Variants in ZFHX4 observed in about 807,000 individuals in gnomAD.
ZFHX4 encodes zinc finger homeobox 4, also known as zinc finger homeobox protein 4.
A neutral mutation model predicts 267.6 loss-of-function variants in ZFHX4; 56 were observed. The observed-to-expected ratio is 0.21, with a 90% CI of 0.17 to 0.26. The LOEUF (loss-of-function observed/expected upper bound fraction) is 0.26, where lower values mean the gene tolerates loss of function less well. Ranked by LOEUF, ZFHX4 falls within the 10% of genes least tolerant of loss-of-function variation. The probability of loss-of-function intolerance (pLI) is 1.00; values close to 1 mark genes in which losing one functional copy is unlikely to be tolerated. For missense variants in ZFHX4, 4,332 were observed against 4,420.0 expected, an observed-to-expected ratio of 0.98 and a Z score of 0.56; for synonymous variants, 1,778 against 1,665.6, an observed-to-expected ratio of 1.07 and a Z score of -1.64.
chr8:76,821,687 T>A (rs1472358447), intron 4 of ZFHX4, among the ~76,000 whole-genome samples: 2 of 152,148 alleles, frequency 1.3e-5, no homozygotes, highest in Non-Finnish European at 2.9e-5. Context: ...ACATTCCCTG[T>A]AGGGAACTGA....
Position 76,752,487 on chromosome 8 carries a change from C to CAAAAAA in ZFHX4, c.3094-25704_3094-25699dup, listed in dbSNP as rs144149879. ...TGAAACCCTGTCTCTACCAAAAATC[C>CAAAAAA]AAAAAAAAAAAAAAAAAAAAAAGAA... On this transcript the variant is annotated intron_variant, in intron 3 of 10. Coordinates refer to ENST00000651372, the MANE Select transcript of ZFHX4 (RefSeq NM_024721.5). Among the ~76,000 whole-genome samples, 426 of 70,880 alleles carry CAAAAAA rather than the reference C, an allele frequency of 6.0e-3. 9 individuals are homozygous for CAAAAAA. Among genetic ancestry groups the CAAAAAA allele is most frequent in the Middle Eastern group, 0.02 (2 of 98 alleles). 46.5% of individuals were successfully genotyped at this position (70,880 alleles called of 152,430 possible).
At chr8:76,750,784 G>A (rs541109162) in intron 3 of ZFHX4, among the ~76,000 whole-genome samples, 1 of 152,156 alleles carries the variant, frequency 6.6e-6, no homozygotes, top group Admixed American at 6.5e-5. Flanking sequence ...CTCAAACCCA[G>A]GAATGAATCT....
At position 76,854,618 on chromosome 8, in the gene ZFHX4, C is replaced by T. The variant is rs765662207; in HGVS notation, c.7697C>T (p.Ser2566Phe). 2.5e-6 allele frequency: 4 copies of T among 1,613,716 alleles called. No individual in the cohort carries two copies. In the Admixed American group the frequency reaches 6.7e-5, roughly 27 times the overall value. ...CAAATGCCCCCTCAGGCCAGTTCCTCCCACACCACAGCCCCCACAACGGTT... is the reference window on the plus strand; with the variant it reads ...CAAATGCCCCCTCAGGCCAGTTCCTTCCACACCACAGCCCCCACAACGGTT... The part of the protein sequence containing the change: ...LTQMPPQASS[S>F]HTTAPTTVAA... The change falls in exon 10 of 11, where the codon TCC becomes TTC. Residue 2566 changes from serine (S) to phenylalanine (F), a missense_variant. Around this residue, in one of 7 missense-constraint regions of ZFHX4, gnomAD observed 1,648 missense variants for 1,625.0 expected, o/e 1.01. Coordinates refer to ENST00000651372, the MANE Select transcript of ZFHX4 (RefSeq NM_024721.5).
Position 76,851,462 on chromosome 8 carries a change from G to A in ZFHX4, c.4541G>A (p.Gly1514Asp). 6.2e-7 allele frequency: 1 copy of A among 1,613,848 alleles called. No individual in the cohort carries two copies. The highest frequency in any genetic ancestry group is 1.3e-5 in the African/African-American group (1 of 75,010). Residue 1514 changes from glycine (G) to aspartate (D), a missense_variant, in exon 10 of 11, where the codon GGC becomes GAC. Transcript: ENST00000651372. Reference protein sequence around the residue: ...SDSSSIPDDMGSEPKRTLPFR... With the variant: ...SDSSSIPDDMDSEPKRTLPFR... Reference sequence around the variant, plus strand: ...AGTAGCTCTATTCCAGATGACATGGGCTCTGAACCAAAGCGGACCTTACCT... The same window carrying A: ...AGTAGCTCTATTCCAGATGACATGGACTCTGAACCAAAGCGGACCTTACCT...
rs1314056291 is a variant in ZFHX4, at chr8:76,705,246, G to A, written c.1158G>A (p.Ala386=). The A allele has an allele frequency of 6.8e-6, 11 of 1,613,860 alleles. No homozygotes were observed. Among genetic ancestry groups the A allele is most frequent in the Non-Finnish European group, 8.5e-6 (10 of 1,179,904 alleles). ...GCTTTGCCTTCTTAAAAGGAAGCGC[G>A]AGCACCTCGAGCTCAGCAGAGCAGC... ...PAGFAFLKGS[A]STSSSAEQPL... The change falls in exon 2 of 11, where the codon GCG becomes GCA. Residue 386 remains alanine, a synonymous_variant. Coordinates refer to ENST00000651372, the MANE Select transcript of ZFHX4 (RefSeq NM_024721.5).
rs1261301457 is a variant in ZFHX4, at chr8:76,704,383, C to A, written c.295C>A (p.His99Asn). 6.2e-7 allele frequency: 1 copy of A among 1,613,834 alleles called. No individual in the cohort carries two copies. The highest frequency in any genetic ancestry group is 1.3e-5 in the African/African-American group (1 of 74,900). ...CAGTTTACAGAAATACATGGAACACCACTGCCCTAATGCCCGCCTTCCTGT... is the reference window on the plus strand; with the variant it reads ...CAGTTTACAGAAATACATGGAACACAACTGCCCTAATGCCCGCCTTCCTGT... ...FPSLQKYMEH[H>N]CPNARLPVLK... The change falls in exon 2 of 11, where the codon CAC becomes AAC. Residue 99 changes from histidine (H) to asparagine (N), a missense_variant. Coordinates refer to ENST00000651372, the MANE Select transcript of ZFHX4 (RefSeq NM_024721.5).
At chr8:76,740,530 A>C (rs969534546) in intron 3 of ZFHX4, among the ~76,000 whole-genome samples, 1 of 152,172 alleles carries the variant, frequency 6.6e-6, no homozygotes, top group Admixed American at 6.5e-5. Context: ...GGTTTGAGAA[A>C]GAGTCAAGGA....
intron 3 of ZFHX4, among the ~76,000 whole-genome samples, chr8:76,714,900 A>G (rs1808524031): frequency 6.6e-6 from 1 of 152,194 alleles, no homozygotes; most frequent in South Asian, 2.1e-4. Context: ...AGTTAAATCT[A>G]TGGACGTAGT....
chr8:76,769,235 A>C (rs924046426), intron 3 of ZFHX4, among the ~76,000 whole-genome samples: 1 of 152,178 alleles, frequency 6.6e-6, no homozygotes, highest in African/African-American at 2.4e-5. Context: ...ATATGTGAGA[A>C]ACAAATCTAT....
In ZFHX4 at chr8:76,864,674, C is replaced by A; in HGVS notation, c.*109C>A. ...TTCTCTAACCCAAAAATTACAGTAC[C>A]AAATGATTGACTCAGGATTGTTTTT... On this transcript the variant is annotated 3_prime_UTR_variant, in exon 11 of 11. Transcript: ENST00000651372. 1 of 741,504 alleles carries A rather than the reference C, an allele frequency of 1.3e-6. No individual in the cohort carries two copies. The highest frequency in any genetic ancestry group is 2.1e-6 in the Non-Finnish European group (1 of 477,152). 45.9% of individuals were successfully genotyped at this position (741,504 alleles called of 1,614,324 possible).
intron 8 of ZFHX4, 89 bp from the exon 9 acceptor site, chr8:76,850,156 A>G (rs1394432654): frequency 9.7e-7 from 1 of 1,031,836 alleles, no homozygotes; most frequent in Non-Finnish European, 1.4e-6. Flanking sequence ...AAACAAATGT[A>G]AGTGGGATAT....
chr8:76,851,188 G>T lies in ZFHX4; in HGVS notation c.4267G>T (p.Ala1423Ser), dbSNP rs768296409. ...ACATTCCCAGTATCATGCAATTCGG[G>T]CTGCGACAATGTGTAACCTCTGCCA... ...QIHSQYHAIR[A>S]ATMCNLCQRS... Residue 1423 changes from alanine (A) to serine (S), a missense_variant, in exon 10 of 11, where the codon GCT becomes TCT. Coordinates refer to ENST00000651372, the MANE Select transcript of ZFHX4 (RefSeq NM_024721.5). 9 of 1,613,884 alleles carry T rather than the reference G, an allele frequency of 5.6e-6. No individual in the cohort carries two copies. In the South Asian group the frequency reaches 8.8e-5, roughly 16 times the overall value.
intron 4 of ZFHX4, among the ~76,000 whole-genome samples, chr8:76,814,499 A>T (rs559888552): frequency 6.6e-6 from 1 of 152,180 alleles, no homozygotes; most frequent in Non-Finnish European, 1.5e-5. Flanking sequence ...AATTATTCGT[A>T]TGTACAGTTT....
At chr8:76,790,740 T>C in intron 4 of ZFHX4, among the ~76,000 whole-genome samples, 1 of 150,626 alleles carries the variant, frequency 6.6e-6, no homozygotes, top group Non-Finnish European at 1.5e-5. Flanking sequence ...ATTTGGTATT[T>C]GTGTGTGTGT....
chr8:76,722,261 G>T (rs1015012898), intron 3 of ZFHX4, among the ~76,000 whole-genome samples: 18 of 152,032 alleles, frequency 1.2e-4, no homozygotes. Flanking sequence ...AACATGATAA[G>T]CTCCTATACC....
intron 3 of ZFHX4, among the ~76,000 whole-genome samples, chr8:76,773,044 G>C (rs950837969): frequency 2.6e-5 from 4 of 152,076 alleles, no homozygotes. Context: ...TTTAGGCCAC[G>C]AGCACCCTGA....
intron 3 of ZFHX4, chr8:76,708,382 C>A (rs188854751): frequency 1.3e-3 from 310 of 242,744 alleles, no homozygotes; most frequent in Non-Finnish European, 1.9e-3. Flanking sequence ...TTGAACCTAG[C>A]ACCACTCTTG....
intron 3 of ZFHX4, among the ~76,000 whole-genome samples, chr8:76,734,429 T>G (rs1809105019): frequency 6.6e-6 from 1 of 152,210 alleles, no homozygotes. Flanking sequence ...ACGGAAAATT[T>G]TACTCTGTAA....
intron 4 of ZFHX4, among the ~76,000 whole-genome samples, chr8:76,800,881 T>C (rs1811101265): frequency 1.3e-5 from 2 of 152,188 alleles, no homozygotes; most frequent in African/African-American, 4.8e-5. Flanking sequence ...CCCTCCACTT[T>C]TGTTGAAGGC....
Sources: gnomAD v4.1 joint callset for allele counts (sites outside exome capture counted in the v4.1 genomes callset) on GRCh38, gnomAD v4.1.1 for gene constraint, gnomAD v4.1.1 regional missense constraint, MANE v1.5 for transcripts, NCBI Gene and HGNC (gene_info 2026-07-23, HGNC 2026-07-21) for gene names.